The following ZBTB8OS variants were observed in gnomAD, a reference collection of about 807,000 sequenced individuals.
ZBTB8OS encodes the protein tRNA-splicing ligase-activating factor archease.
In ZBTB8OS, 16 loss-of-function variants were observed where a neutral mutation model predicts 29.3. The observed-to-expected ratio is 0.55, with a 90% CI of 0.37 to 0.83. The LOEUF (loss-of-function observed/expected upper bound fraction) is 0.83. ZBTB8OS is among the 40% of genes least tolerant of loss of function. ZBTB8OS has a pLI of 0.00. For synonymous variants in ZBTB8OS, 70 were observed against 64.6 expected, an observed-to-expected ratio of 1.08 and a Z score of -0.40; for missense variants, 160 against 196.9, an observed-to-expected ratio of 0.81 and a Z score of 1.12.
Position 32,650,473 on chromosome 1 carries a change from C to T in ZBTB8OS, c.57G>A (p.Ala19=), listed in dbSNP as rs1245217319. The T allele has an allele frequency of 5.6e-6, 9 of 1,614,174 alleles. No individual in the cohort carries two copies. The highest frequency in any genetic ancestry group is 6.8e-6 in the Non-Finnish European group (8 of 1,180,028). Residue 19 remains alanine (A), a synonymous_variant, in exon 1 of 7, where the codon GCG becomes GCA. Coordinates refer to ENST00000468695, the MANE Select transcript of ZBTB8OS (RefSeq NM_178547.5). ...RDYNLTEEQK[A]IKAKYPPVNR... ...TGACTGGCGGATACTTGGCCTTGAT[C>T]GCCTTCTGTTCTTCAGTCAAATTGT... is the stretch of plus-strand genomic sequence containing the variant.
At chr1:32,647,114 G>C (rs530795435) in intron 1 of ZBTB8OS, among the ~76,000 whole-genome samples, 1 of 144,026 alleles carries the variant, frequency 6.9e-6, no homozygotes, top group African/African-American at 2.6e-5. Context: ...CCAGCACTTC[G>C]GAGGCCGAGG....
chr1:32,623,190 T>G (rs1644867571), intron 6 of ZBTB8OS, among the ~76,000 whole-genome samples: 1 of 152,170 alleles, frequency 6.6e-6, no homozygotes, highest in Admixed American at 6.6e-5. Context: ...AGGATATAAG[T>G]GGCACTGCCA....
chr1:32,623,944 C>T (rs574868005), intron 6 of ZBTB8OS, among the ~76,000 whole-genome samples: 29 of 152,216 alleles, frequency 1.9e-4, no homozygotes, highest in African/African-American at 5.5e-4. Context: ...CATTGAATCA[C>T]GGGGGCGGTT....
intron 1 of ZBTB8OS, among the ~76,000 whole-genome samples, chr1:32,636,880 C>G (rs1213147472): frequency 1.3e-5 from 2 of 151,984 alleles, no homozygotes; most frequent in East Asian, 3.9e-4. Context: ...AAAGAGCTTA[C>G]AAATGTGAAT....
chr1:32,625,030 C>T (rs1370136490), intron 6 of ZBTB8OS, among the ~76,000 whole-genome samples: 2 of 151,972 alleles, frequency 1.3e-5, no homozygotes, highest in African/African-American at 4.8e-5. Flanking sequence ...TCGAAACCAG[C>T]CTGGCCAACA....
chr1:32,646,473 C>T (rs1461167955), intron 1 of ZBTB8OS, among the ~76,000 whole-genome samples: 2 of 151,412 alleles, frequency 1.3e-5, no homozygotes, highest in Non-Finnish European at 2.9e-5. Context: ...CTGCAAGCTC[C>T]GCCTCCCGGG....
chr1:32,641,121 G>A (rs897623560), intron 1 of ZBTB8OS, among the ~76,000 whole-genome samples: 4 of 151,878 alleles, frequency 2.6e-5, no homozygotes, highest in African/African-American at 7.3e-5. Context: ...GCAGTAAGCC[G>A]AGATCGTGCC....
intron 6 of ZBTB8OS, among the ~76,000 whole-genome samples, chr1:32,625,220 C>CA (rs11315615): frequency 1.3e-3 from 172 of 134,508 alleles, no homozygotes; most frequent in Middle Eastern, 4.1e-3. Context: ...GAGACTGTCT[C>CA]AAAAAAAAAA....
upstream of ZBTB8OS, chr1:32,650,578 G>C: frequency 6.2e-7 from 1 of 1,613,642 alleles, no homozygotes; most frequent in Non-Finnish European, 8.5e-7. Flanking sequence ...ACCGGACTTC[G>C]GCCCGGAGTT....
chr1:32,621,661 A>G lies in ZBTB8OS; in HGVS notation c.*201T>C, dbSNP rs1489717354. On this transcript the variant is annotated 3_prime_UTR_variant, in exon 7 of 7. Coordinates refer to ENST00000468695, the MANE Select transcript of ZBTB8OS (RefSeq NM_178547.5). ...CCTTGGGGGGTTGAAGAATTCTTTA[A>G]AGTGTGAATATTTGGGGAACACAGA... 5.6e-6 allele frequency: 3 copies of G among 539,388 alleles called. No homozygotes were observed. The highest frequency in any genetic ancestry group is 9.7e-6 in the Non-Finnish European group (3 of 310,830). 33.4% of individuals were successfully genotyped at this position (539,388 alleles called of 1,614,324 possible). A position where few individuals can be genotyped will look rare whatever the true frequency, so the allele number is the denominator to read the frequency against.
At chr1:32,625,539 C>A (rs1264001896) in intron 6 of ZBTB8OS, among the ~76,000 whole-genome samples, 1 of 113,078 alleles carries the variant, frequency 8.8e-6, no homozygotes, top group Non-Finnish European at 1.6e-5. Flanking sequence ...GTCTCAAAAA[C>A]AAAACAAAAC....
intron 1 of ZBTB8OS, among the ~76,000 whole-genome samples, chr1:32,647,041 CAAAAAAAAAA>C (rs71006347): frequency 0.066 from 2,579 of 39,242 alleles, 81 homozygotes; most frequent in Admixed American, 0.2. Flanking sequence ...GATACTGTCT[CAAAAAAAAAA>C]AAAAAAAAAA....
intron 4 of ZBTB8OS, among the ~76,000 whole-genome samples, chr1:32,632,508 G>A (rs984318740): frequency 3.3e-5 from 5 of 151,978 alleles, no homozygotes; most frequent in Admixed American, 1.3e-4. Flanking sequence ...TTCACCTCCC[G>A]AGCTCAAGCA....
intron 4 of ZBTB8OS, among the ~76,000 whole-genome samples, chr1:32,632,721 G>A (rs994127477): frequency 6.6e-5 from 10 of 152,138 alleles, no homozygotes; most frequent in African/African-American, 2.2e-4. Context: ...CTAAAAATAT[G>A]AGTCAAAAGA....
Position 32,641,318 on chromosome 1 carries a change from G to T in ZBTB8OS, c.98-6526C>A, listed in dbSNP as rs548744448. The stretch of plus-strand genomic sequence containing the variant: ...AGACAGATTTTGCTCTTGTTGCCCA[G>T]GCTGGAGTGCAATGGCGCGATCTCA... On this transcript the variant is annotated intron_variant, in intron 1 of 6. Transcript: ENST00000468695. Among the ~76,000 whole-genome samples the T allele has an allele frequency of 4.6e-4, 62 of 135,720 alleles. No homozygotes were observed. The South Asian group carries it at 0.014, about 31-fold the overall frequency. The allele number at this position is 135,720 out of a possible 152,430, so 89.0% of individuals were successfully genotyped here.
intron 5 of ZBTB8OS, among the ~76,000 whole-genome samples, chr1:32,630,713 C>A (rs1645480157): frequency 6.6e-6 from 1 of 151,846 alleles, no homozygotes; most frequent in Non-Finnish European, 1.5e-5. Context: ...GAACCCATTT[C>A]TAAAAAAATA....
chr1:32,632,664 G>C (rs1393181337), intron 4 of ZBTB8OS, among the ~76,000 whole-genome samples: 1 of 152,146 alleles, frequency 6.6e-6, no homozygotes, highest in Non-Finnish European at 1.5e-5. Flanking sequence ...AAGGAAATAA[G>C]TTTTTTCTTA....
At position 32,645,658 on chromosome 1, in the gene ZBTB8OS, T is replaced by C. The variant is rs181688607; in HGVS notation, c.97+4775A>G. 4.6e-5 allele frequency among the ~76,000 whole-genome samples: 7 copies of C among 152,274 alleles called. No homozygotes were observed. In the East Asian group the frequency reaches 9.6e-4, roughly 21 times the overall value. The stretch of plus-strand genomic sequence containing the variant: ...AAAGATAGAGCCCAGCCTTACTCTG[T>C]AGCCCAGGATAGAGTGCAGTGGTAC... On this transcript the variant is annotated intron_variant, in intron 1 of 6. Transcript: ENST00000468695.
In ZBTB8OS at chr1:32,644,704, CTTTTTTTTTT is replaced by C. The variant is rs1190646557; in HGVS notation, c.97+5719_97+5728del. On this transcript the variant is annotated intron_variant, in intron 1 of 6. Transcript: ENST00000468695. ...TACACACACATGCCACCACACCCAG[CTTTTTTTTTT>C]TTTTTTTTTTTTGTAGAGATGTGTT... 2.1e-4 allele frequency among the ~76,000 whole-genome samples: 22 copies of C among 105,584 alleles called. 1 individual carries two copies. In the Admixed American group the frequency reaches 2.1e-3, roughly 10 times the overall value. The allele number at this position is 105,584 out of a possible 152,430, so 69.3% of individuals were successfully genotyped here. A position where few individuals can be genotyped will look rare whatever the true frequency, so the allele number is the denominator to read the frequency against.
Sources: gnomAD v4.1 joint callset for allele counts (sites outside exome capture counted in the v4.1 genomes callset) on GRCh38, gnomAD v4.1.1 for gene constraint, MANE v1.5 for transcripts, NCBI Gene and HGNC (gene_info 2026-07-23, HGNC 2026-07-21) for gene names.